Variants in TRAF4 observed in about 807,000 individuals in gnomAD.
TRAF4 encodes the protein TNF receptor-associated factor 4.
In TRAF4, 9 loss-of-function variants were observed where a neutral mutation model predicts 47.3. That is an observed-to-expected ratio of 0.19 (90% CI 0.11 to 0.33). The LOEUF is 0.33. Ranked by LOEUF, TRAF4 falls within the 10% of genes least tolerant of loss-of-function variation. The pLI is 1.00. For synonymous variants in TRAF4, 236 were observed against 236.9 expected (o/e 1.00, Z 0.04); for missense variants, 448 against 620.3 (o/e 0.72, Z 2.95).
At chr17:28,748,705 T>G (rs1396269185) in intron 6 of TRAF4, 39 bp downstream of exon 6, 4 of 1,598,692 alleles carry the variant, frequency 2.5e-6, no homozygotes, top group African/African-American at 2.7e-5. Context: ...CTTTTGCCCT[T>G]GAAGCCCTAG....
At chr17:28,748,473 G>A in intron 5 of TRAF4, 38 bp from the exon 6 acceptor site, 1 of 1,609,592 alleles carries the variant, frequency 6.2e-7, no homozygotes. Flanking sequence ...CAGGTAGTCA[G>A]GATATTGACT....
chr17:28,744,283 G>C (rs767403531), intron 1 of TRAF4, 28 bp downstream of exon 1: 2 of 1,493,316 alleles, frequency 1.3e-6, no homozygotes, highest in Middle Eastern at 2.4e-4. Context: ...GGGGACAGCG[G>C]GGGCGGGGCG....
At chr17:28,744,643 C>T (rs987744439) in intron 1 of TRAF4, 4 of 211,736 alleles carry the variant, frequency 1.9e-5, no homozygotes, top group African/African-American at 7.1e-5. Flanking sequence ...CCCCATCTAA[C>T]CTCTTCTGAT....
In TRAF4 at chr17:28,749,487, C is replaced by A; in HGVS notation, c.1323C>A (p.Ser441=). 1 of 1,613,924 alleles carries A rather than the reference C, an allele frequency of 6.2e-7. No homozygotes were observed. The highest frequency in any genetic ancestry group is 8.5e-7 in the Non-Finnish European group (1 of 1,180,026). The change falls in exon 7 of 7, where the codon TCC becomes TCA. Residue 441 remains serine, a synonymous_variant. Coordinates refer to ENST00000262395, the MANE Select transcript of TRAF4 (RefSeq NM_004295.4). ...SLGFGYPKFI[S]HQDIRKRNYV... ...GCTTTGGTTATCCCAAGTTCATCTC[C>A]CACCAGGACATTCGAAAGCGAAACT... is the stretch of plus-strand genomic sequence containing the variant.
At position 28,749,655 on chromosome 17, in the gene TRAF4, G is replaced by C. The variant is rs1309100204; in HGVS notation, c.*78G>C. The C allele has an allele frequency of 1.2e-5, 19 of 1,575,648 alleles. No homozygotes were observed. The highest frequency in any genetic ancestry group is 1.6e-5 in the Non-Finnish European group (18 of 1,160,128). On this transcript the variant is annotated 3_prime_UTR_variant, in exon 7 of 7. Coordinates refer to ENST00000262395, the MANE Select transcript of TRAF4 (RefSeq NM_004295.4). ...ACTGGCTGAACTTGGAGAGGGGGCCGGACCCCCGTCAGCTGCTTCTGCTGC... is the reference window on the plus strand; with the variant it reads ...ACTGGCTGAACTTGGAGAGGGGGCCCGACCCCCGTCAGCTGCTTCTGCTGC...
In TRAF4 at chr17:28,749,829, G is replaced by C; in HGVS notation, c.*252G>C. ...CCCCAGGGCCTGTCTCCCTTCTTGG[G>C]TAGGGCAGACATGCCTTGGTGCCGG... On this transcript the variant is annotated 3_prime_UTR_variant, in exon 7 of 7. Coordinates refer to ENST00000262395, the MANE Select transcript of TRAF4 (RefSeq NM_004295.4). 1.4e-6 allele frequency: 1 copy of C among 722,484 alleles called. No individual in the cohort carries two copies. Among genetic ancestry groups the C allele is most frequent in the East Asian group, 2.7e-5 (1 of 37,378 alleles). 44.8% of individuals were successfully genotyped at this position (722,484 alleles called of 1,614,324 possible). A position where few individuals can be genotyped will look rare whatever the true frequency, so the allele number is the denominator to read the frequency against.
At chr17:28,744,305 G>C in intron 1 of TRAF4, 50 bp downstream of exon 1, 44 of 1,280,576 alleles carry the variant, frequency 3.4e-5, no homozygotes, top group Non-Finnish European at 4.1e-5. Context: ...GGCGGGGGGC[G>C]CCGCCTGGGG....
At position 28,749,187 on chromosome 17, in the gene TRAF4, G is replaced by C. The variant is rs1005102746; in HGVS notation, c.1023G>C (p.Lys341Asn). 1 of 1,613,992 alleles carries C rather than the reference G, an allele frequency of 6.2e-7. No individual in the cohort carries two copies. The highest frequency in any genetic ancestry group is 1.3e-5 in the African/African-American group (1 of 74,956). The change falls in exon 7 of 7, where the codon AAG becomes AAC. Residue 341 changes from lysine to asparagine, a missense_variant. Lys to Asn is a moderately conservative substitution (Grantham distance 94). Coordinates refer to ENST00000262395, the MANE Select transcript of TRAF4 (RefSeq NM_004295.4). ...TCAGCCCAGCCTTCTACACACATAAGTATGGTTACAAGCTGCAGGTGTCTG... is the reference window on the plus strand; with the variant it reads ...TCAGCCCAGCCTTCTACACACATAACTATGGTTACAAGCTGCAGGTGTCTG... Reference protein sequence around the residue: ...ECFSPAFYTHKYGYKLQVSAF... With the variant: ...ECFSPAFYTHNYGYKLQVSAF...
intron 1 of TRAF4, 150 bp downstream of exon 1, chr17:28,744,405 A>G (rs1000288379): frequency 3.2e-6 from 3 of 933,098 alleles, no homozygotes; most frequent in Admixed American, 3.2e-5. Context: ...GGGAGGGATG[A>G]CGTCAAGCCC....
At position 28,750,646 on chromosome 17, in the gene TRAF4, CCT is replaced by C. The variant is rs2034587222; in HGVS notation, c.*1070_*1071del. The C allele has an allele frequency of 6.7e-6, 1 of 149,990 alleles. No individual in the cohort carries two copies. Among genetic ancestry groups the C allele is most frequent in the South Asian group, 2.2e-4 (1 of 4,622 alleles). 9.3% of individuals were successfully genotyped at this position (149,990 alleles called of 1,614,324 possible). ...GATGTTCAAGGCACTTGGATTTTCT[CCT>C]GTCTCTCATCGGCTTTTCTTAACGG... On this transcript the variant is annotated 3_prime_UTR_variant, in exon 7 of 7. Transcript: ENST00000262395.
chr17:28,748,564 T>C lies in TRAF4; in HGVS notation c.678T>C (p.Gly226=). ...CTGTTGCCTGCCCCAACCAATGTGGTGTGGGCACTGTGGCTCGGGAGGACC... is the reference window on the plus strand; with the variant it reads ...CTGTTGCCTGCCCCAACCAATGTGGCGTGGGCACTGTGGCTCGGGAGGACC... The part of the protein sequence containing the change: ...RLPVACPNQC[G]VGTVAREDLP... Residue 226 remains glycine (G), a synonymous_variant, in exon 6 of 7, where the codon GGT becomes GGC. Transcript: ENST00000262395. The C allele has an allele frequency of 6.2e-7, 1 of 1,613,480 alleles. No individual in the cohort carries two copies. The highest frequency in any genetic ancestry group is 1.1e-5 in the South Asian group (1 of 91,058).
rs1191777934 is a variant in TRAF4 at position 28,749,518 on chromosome 17, C to T, written c.1354C>T (p.Arg452Trp). Residue 452 changes from arginine (R) to tryptophan (W), a missense_variant, in exon 7 of 7, where the codon CGG becomes TGG. Arg to Trp is a moderately radical substitution (Grantham distance 101, BLOSUM62 -3). Coordinates refer to ENST00000262395, the MANE Select transcript of TRAF4 (RefSeq NM_004295.4). ...HQDIRKRNYV[R>W]DDAVFIRAAV... ...GGACATTCGAAAGCGAAACTATGTG[C>T]GGGATGATGCAGTCTTCATCCGTGC... 3.1e-6 allele frequency: 5 copies of T among 1,613,814 alleles called. No homozygotes were observed. The highest frequency in any genetic ancestry group is 3.4e-6 in the Non-Finnish European group (4 of 1,180,030).
In TRAF4 at chr17:28,749,618, C is replaced by T; in HGVS notation, c.*41C>T. 1 of 1,590,298 alleles carries T rather than the reference C, an allele frequency of 6.3e-7. No homozygotes were observed. The highest frequency in any genetic ancestry group is 8.6e-7 in the Non-Finnish European group (1 of 1,167,384). On this transcript the variant is annotated 3_prime_UTR_variant, in exon 7 of 7. Coordinates refer to ENST00000262395, the MANE Select transcript of TRAF4 (RefSeq NM_004295.4). ...GAGGGGAAAGGACGATGGGGCATGA[C>T]CTCAGTCAGGCACTGGCTGAACTTG...
chr17:28,747,068 C>G (rs1025773888), intron 1 of TRAF4, 145 bp from the exon 2 acceptor site: 2 of 762,400 alleles, frequency 2.6e-6, no homozygotes, highest in Admixed American at 3.0e-5. Flanking sequence ...TAGAGCCCCT[C>G]AGGCCTCTGC....
chr17:28,747,765 C>T (rs771287566), intron 2 of TRAF4, 78 bp from the exon 3 acceptor site: 65 of 1,427,832 alleles, frequency 4.6e-5, no homozygotes, highest in Non-Finnish European at 5.7e-5. Context: ...GTAGAGCCAG[C>T]CCAGTTGGGT....
Position 28,749,377 on chromosome 17 carries a change from A to G in TRAF4, c.1213A>G (p.Thr405Ala). 1 of 1,613,990 alleles carries G rather than the reference A, an allele frequency of 6.2e-7. No homozygotes were observed. The change falls in exon 7 of 7, where the codon ACT becomes GCT. Residue 405 changes from threonine to alanine, a missense_variant. Physicochemically the swap from Thr to Ala is moderately conservative, Grantham distance 58 (BLOSUM62 0). Transcript: ENST00000262395. ...DPGLAKPQHVTETFHPDPNWK... is the reference protein window; with the variant it reads ...DPGLAKPQHVAETFHPDPNWK... ...TGGGCTGGCTAAACCACAGCACGTC[A>G]CTGAGACCTTCCACCCCGACCCAAA...
intron 1 of TRAF4, among the ~76,000 whole-genome samples, chr17:28,745,773 G>T (rs1016630914): frequency 6.6e-6 from 1 of 152,176 alleles, no homozygotes; most frequent in Non-Finnish European, 1.5e-5. Flanking sequence ...CACCCGCCAC[G>T]GTACAAGCAC....
chr17:28,748,736 G>A (rs1427971368), intron 6 of TRAF4, 70 bp downstream of exon 6: 17 of 1,577,102 alleles, frequency 1.1e-5, no homozygotes, highest in Admixed American at 1.7e-5. Context: ...AGCTTCTGAT[G>A]TACTTAGGCC....
At position 28,749,981 on chromosome 17, in the gene TRAF4, TTACC is replaced by T; in HGVS notation, c.*407_*410del. ...TCTTGAGATCTGATTTTTTCCCCCT[TTACC>T]TAGCTGTGCCCCCTCTGGTTATTTA... On this transcript the variant is annotated 3_prime_UTR_variant, in exon 7 of 7. Coordinates refer to ENST00000262395, the MANE Select transcript of TRAF4 (RefSeq NM_004295.4). The T allele has an allele frequency of 1.5e-6, 1 of 659,318 alleles. No homozygotes were observed. Among genetic ancestry groups the T allele is most frequent in the Non-Finnish European group, 2.8e-6 (1 of 358,508 alleles). The allele number at this position is 659,318 out of a possible 1,614,324, so 40.8% of individuals were successfully genotyped here.
Sources: allele counts gnomAD v4.1 joint callset (sites outside exome capture counted in the v4.1 genomes callset), GRCh38; gene constraint gnomAD v4.1.1; transcripts MANE v1.5; gene names NCBI Gene and HGNC (gene_info 2026-07-23, HGNC 2026-07-21).